KDM2B: variants seen among roughly 807,000 people sequenced by gnomAD.
KDM2B encodes the protein lysine-specific demethylase 2B.
In KDM2B, 26 loss-of-function variants were observed where a neutral mutation model predicts 150.0. The ratio of observed to expected loss-of-function variants is 0.17; its 90% CI spans 0.13 to 0.24. The LOEUF (loss-of-function observed/expected upper bound fraction) is 0.24. KDM2B is among the 10% of genes least tolerant of loss of function. The pLI, the probability that KDM2B is intolerant of heterozygous loss-of-function variation, is 1.00. For synonymous variants in KDM2B, 734 were observed against 729.5 expected (o/e 1.01, Z -0.10); for missense variants, 1,265 against 1,816.9 (o/e 0.70, Z 5.52).
intron 11 of KDM2B, among the ~76,000 whole-genome samples, chr12:121,505,365 G>A (rs1008824996): frequency 1.1e-4 from 16 of 151,262 alleles, no homozygotes; most frequent in African/African-American, 3.9e-4. Context: ...GGTAAATTGT[G>A]TTACGTGTGT....
chr12:121,427,706 TGTGG>T (rs1872576735), downstream of KDM2B, among the ~76,000 whole-genome samples: 1 of 138,300 alleles, frequency 7.2e-6, no homozygotes, highest in African/African-American at 2.4e-5. Context: ...TGCACATCCA[TGTGG>T]TGGCTTGGAT....
At chr12:121,504,166 T>G (rs549758424) in intron 11 of KDM2B, among the ~76,000 whole-genome samples, 1 of 152,320 alleles carries the variant, frequency 6.6e-6, no homozygotes, top group East Asian at 1.9e-4. Context: ...ATGATCCTCC[T>G]GCCTCAGCCC....
At chr12:121,483,435 G>A (rs1555298251) in intron 12 of KDM2B, among the ~76,000 whole-genome samples, 4 of 152,040 alleles carry the variant, frequency 2.6e-5, no homozygotes, top group East Asian at 1.9e-4. Flanking sequence ...CACTTTGGGA[G>A]GCTGAGGCAG....
rs146245720 is a variant in KDM2B, at chr12:121,457,667, C to T, written c.1735-4323G>A. ...CGAACCAGCATCCCCAACACCAAGG[C>T]GACTTGTTGATTTTATCAGCCCAGG... On this transcript the variant is annotated intron_variant, in intron 12 of 22. Transcript: ENST00000377071. Among the ~76,000 whole-genome samples, 103 of 151,796 alleles carry T rather than the reference C, an allele frequency of 6.8e-4. No homozygotes were observed. In the South Asian group the frequency reaches 0.014, roughly 21 times the overall value.
chr12:121,541,395 CAA>C (rs59029432), intron 6 of KDM2B, among the ~76,000 whole-genome samples: 21 of 29,360 alleles, frequency 7.2e-4, no homozygotes, highest in Middle Eastern at 0.013. Flanking sequence ...GCCCCTGTCT[CAA>C]AAAAAAAAAA....
intron 12 of KDM2B, among the ~76,000 whole-genome samples, chr12:121,477,655 G>T (rs112983527): frequency 0.013 from 1,935 of 145,922 alleles, 54 homozygotes; most frequent in African/African-American, 0.048. Context: ...TCGGTTCACT[G>T]CAACTTCTGC....
In KDM2B at chr12:121,442,076, C is replaced by T; in HGVS notation, c.3284+81G>A. 8.6e-7 allele frequency: 1 copy of T among 1,167,248 alleles called. No homozygotes were observed. The highest frequency in any genetic ancestry group is 1.3e-6 in the Non-Finnish European group (1 of 791,260). The allele number at this position is 1,167,248 out of a possible 1,614,324, so 72.3% of individuals were successfully genotyped here. A position where few individuals can be genotyped will look rare whatever the true frequency, so the allele number is the denominator to read the frequency against. ...ACTGGGGTTTGGAAGGAAAGAGCAT[C>T]GCCAGCGACTCCACACACCACGGGC... On this transcript the variant is annotated intron_variant, in intron 19 of 22. Transcript: ENST00000377071. This position sits in a 1 kb window ranked among gnomAD's most constrained non-coding sequence, Gnocchi z 7.7.
intron 4 of KDM2B, among the ~76,000 whole-genome samples, chr12:121,573,583 ACTT>A (rs1891276387): frequency 1.6e-5 from 2 of 127,080 alleles, no homozygotes; most frequent in South Asian, 2.5e-4. Context: ...CCTACTGTTT[ACTT>A]CTTTTTTTTT....
Position 121,483,696 on chromosome 12 carries a change from C to A in KDM2B, c.1734+10883G>T, listed in dbSNP as rs557192959. On this transcript the variant is annotated intron_variant, in intron 12 of 22. Transcript: ENST00000377071. ...TATCTCAGAAAAAAAACAAAAACAA[C>A]AAAAAAAACAAACAACAACAACACA... Among the ~76,000 whole-genome samples the A allele has an allele frequency of 8.2e-3, 1,131 of 137,382 alleles. 4 individuals carry two copies. The highest frequency in any genetic ancestry group is 0.012 in the Non-Finnish European group (809 of 65,326). 90.1% of individuals were successfully genotyped at this position (137,382 alleles called of 152,430 possible).
At chr12:121,475,528 C>T (rs576117258) in intron 12 of KDM2B, among the ~76,000 whole-genome samples, 41 of 151,998 alleles carry the variant, frequency 2.7e-4, no homozygotes, top group African/African-American at 5.3e-4. Context: ...CAACAGGTTG[C>T]GGCTGCAGTG....
chr12:121,553,105 G>A (rs184506959), intron 4 of KDM2B, among the ~76,000 whole-genome samples: 8 of 152,048 alleles, frequency 5.3e-5, no homozygotes, highest in East Asian at 1.9e-4. Flanking sequence ...GGTGGCGGGC[G>A]CCTGTAGTCC....
intron 13 of KDM2B, among the ~76,000 whole-genome samples, chr12:121,449,291 C>G (rs1049565974): frequency 5.9e-5 from 9 of 152,044 alleles, no homozygotes; most frequent in Admixed American, 5.9e-4. Context: ...GCAGCCCCAG[C>G]GACGGAGCAA....
chr12:121,479,022 T>C (rs1593889762), intron 12 of KDM2B, among the ~76,000 whole-genome samples: 1 of 152,082 alleles, frequency 6.6e-6, no homozygotes, highest in Non-Finnish European at 1.5e-5. Context: ...GGCCTCAGGC[T>C]GTGATCTTGA....
rs2137976488 is a variant in KDM2B, at chr12:121,440,687, T to C, written c.3610+129A>G. The C allele has an allele frequency of 3.2e-6, 3 of 942,786 alleles. No homozygotes were observed. In the South Asian group the frequency reaches 5.0e-5, roughly 16 times the overall value. 58.4% of individuals were successfully genotyped at this position (942,786 alleles called of 1,614,324 possible). On this transcript the variant is annotated intron_variant, in intron 21 of 22. Coordinates refer to ENST00000377071, the MANE Select transcript of KDM2B (RefSeq NM_032590.5). ...GATCCCCTCTGTGCCTGAAGCAAAC[T>C]GAGAACATGGCAGCAGAGACTCATC... is the stretch of plus-strand genomic sequence containing the variant.
intron 2 of KDM2B, among the ~76,000 whole-genome samples, chr12:121,578,423 A>C (rs1240944793): frequency 3.9e-5 from 6 of 152,170 alleles, no homozygotes; most frequent in Admixed American, 3.9e-4. Context: ...CCCTGAACCC[A>C]GTTCCAGCCA....
At chr12:121,559,739 A>T (rs1342978448) in intron 4 of KDM2B, among the ~76,000 whole-genome samples, 2 of 148,068 alleles carry the variant, frequency 1.4e-5, no homozygotes, top group Non-Finnish European at 2.9e-5. Flanking sequence ...CGTCTCTACT[A>T]AAAAAAACAC....
rs1458720311 is a variant in KDM2B at position 121,443,181 on chromosome 12, C to G, written c.2566-151G>C. 10 of 704,508 alleles carry G rather than the reference C, an allele frequency of 1.4e-5. No homozygotes were observed. In the Admixed American group the frequency reaches 1.5e-4, roughly 11 times the overall value. 43.6% of individuals were successfully genotyped at this position (704,508 alleles called of 1,614,324 possible). A position where few individuals can be genotyped will look rare whatever the true frequency, so the allele number is the denominator to read the frequency against. On this transcript the variant is annotated intron_variant, in intron 17 of 22. Transcript: ENST00000377071. ...AAATGCCATCTCCACGTCTGACCGA[C>G]AGACGGGCGAGCCCTGCCTGCAGCT...
At chr12:121,517,039 G>A (rs550224503) in intron 9 of KDM2B, among the ~76,000 whole-genome samples, 4 of 151,984 alleles carry the variant, frequency 2.6e-5, no homozygotes, top group Admixed American at 6.6e-5. Context: ...CCACTGGGAG[G>A]GGGGGAAAGA....
intron 12 of KDM2B, among the ~76,000 whole-genome samples, chr12:121,461,211 G>A (rs1387347380): frequency 6.6e-6 from 1 of 152,162 alleles, no homozygotes; most frequent in Non-Finnish European, 1.5e-5. Context: ...ATTCTAGGCA[G>A]AAGGAAGAAC....
Sources: allele counts gnomAD v4.1 joint callset (sites outside exome capture counted in the v4.1 genomes callset), GRCh38; gene constraint gnomAD v4.1.1; non-coding constraint Gnocchi (gnomAD v3.1); transcripts MANE v1.5; gene names NCBI Gene and HGNC (gene_info 2026-07-23, HGNC 2026-07-21).